SMIM10L3: variants seen among roughly 807,000 people sequenced by gnomAD.
The protein encoded by SMIM10L3 is salivary gland specific protein SAGSIN1.
the SMIM10L3 span, among the ~76,000 whole-genome samples, chr7:6,346,002 C>G: frequency 5.9e-5 from 9 of 152,238 alleles, no homozygotes; most frequent in African/African-American, 2.2e-4. Context: ...CTCCTGACCT[C>G]AAGTGATCCG....
chr7:6,330,984 T>G, the SMIM10L3 span: 1 of 1,614,196 alleles, frequency 6.2e-7, no homozygotes, highest in Non-Finnish European at 8.5e-7. Flanking sequence ...ATGCCTCACT[T>G]TGTGAATTTC....
At chr7:6,335,750 C>T in the SMIM10L3 span, among the ~76,000 whole-genome samples, 4 of 152,136 alleles carry the variant, frequency 2.6e-5, no homozygotes, top group Admixed American at 2.6e-4. Flanking sequence ...TATATTTGAA[C>T]CAGGCCAGGT....
chr7:6,342,924 C>G, the SMIM10L3 span, among the ~76,000 whole-genome samples: 4 of 151,898 alleles, frequency 2.6e-5, no homozygotes, highest in African/African-American at 9.7e-5. Flanking sequence ...GTAGCCCCAG[C>G]TACTCAGAAG....
the SMIM10L3 span, chr7:6,330,579 C>T: frequency 2.5e-6 from 4 of 1,614,158 alleles, no homozygotes; most frequent in Middle Eastern, 3.3e-4. Flanking sequence ...GCGTTGCAGA[C>T]AGGATGGAGT....
the SMIM10L3 span, among the ~76,000 whole-genome samples, chr7:6,333,765 C>G: frequency 6.3e-5 from 9 of 143,192 alleles, no homozygotes; most frequent in African/African-American, 2.3e-4. Flanking sequence ...ACTTGAAGAA[C>G]AAGTGTCTTT....
the SMIM10L3 span, chr7:6,330,667 T>G: frequency 1.2e-6 from 2 of 1,614,106 alleles, no homozygotes; most frequent in Non-Finnish European, 1.7e-6. Context: ...ACTTCCCATT[T>G]CCGGCACTTT....
the SMIM10L3 span, chr7:6,331,044 G>C: frequency 6.2e-7 from 1 of 1,613,920 alleles, no homozygotes; most frequent in Non-Finnish European, 8.5e-7. Flanking sequence ...CAGGCCAAGG[G>C]CCCTCCGGCA....
the SMIM10L3 span, chr7:6,338,809 T>A: frequency 6.6e-6 from 1 of 152,308 alleles, no homozygotes; most frequent in African/African-American, 2.4e-5. Flanking sequence ...ACTAAAAATA[T>A]CTTGGCCCCA....
chr7:6,348,847 A>T, the SMIM10L3 span: 1 of 391,126 alleles, frequency 2.6e-6, no homozygotes, highest in Non-Finnish European at 4.5e-6. Flanking sequence ...GTGCTCAGGG[A>T]GCGAAGGAGG....
the SMIM10L3 span, among the ~76,000 whole-genome samples, chr7:6,343,480 A>G: frequency 6.9e-6 from 1 of 144,858 alleles, no homozygotes; most frequent in African/African-American, 2.6e-5. Context: ...TTCTTCCCAC[A>G]GGCCATATAA....
the SMIM10L3 span, among the ~76,000 whole-genome samples, chr7:6,335,650 C>T: frequency 6.6e-6 from 1 of 152,118 alleles, no homozygotes; most frequent in African/African-American, 2.4e-5. Flanking sequence ...AAAATATACA[C>T]TTTATGAATA....
At chr7:6,333,097 C>G in the SMIM10L3 span, among the ~76,000 whole-genome samples, 1 of 150,496 alleles carries the variant, frequency 6.6e-6, no homozygotes, top group Non-Finnish European at 1.5e-5. Context: ...GCAGAGGTTG[C>G]AGTGAGCCGA....
At chr7:6,340,707 G>A in the SMIM10L3 span, among the ~76,000 whole-genome samples, 1 of 151,922 alleles carries the variant, frequency 6.6e-6, no homozygotes, top group Non-Finnish European at 1.5e-5. Context: ...AGACCATCCT[G>A]GCTAACACGG....
At chr7:6,339,080 A>G in the SMIM10L3 span, among the ~76,000 whole-genome samples, 3 of 152,224 alleles carry the variant, frequency 2.0e-5, no homozygotes, top group East Asian at 1.9e-4. Context: ...AGAAACAGCA[A>G]TGACCACAGC....
chr7:6,336,454 G>A, the SMIM10L3 span, among the ~76,000 whole-genome samples: 1 of 152,030 alleles, frequency 6.6e-6, no homozygotes, highest in African/African-American at 2.4e-5. Flanking sequence ...GCCATGGCAG[G>A]CAGATCTCTT....
At chr7:6,332,420 G>A in the SMIM10L3 span, among the ~76,000 whole-genome samples, 1 of 152,300 alleles carries the variant, frequency 6.6e-6, no homozygotes, top group East Asian at 1.9e-4. Context: ...ACTTTTGAGT[G>A]TTGTCTGAAT....
At chr7:6,348,794 C>G in the SMIM10L3 span, 1 of 396,748 alleles carries the variant, frequency 2.5e-6, no homozygotes, top group African/African-American at 2.1e-5. Flanking sequence ...CCCCGCCCGC[C>G]CTCTCCGCGC....
the SMIM10L3 span, chr7:6,348,730 A>G: frequency 2.4e-6 from 1 of 416,614 alleles, no homozygotes; most frequent in East Asian, 3.5e-5. Context: ...CGAGAGCCGG[A>G]CAGCCAGGCC....
chr7:6,331,790 G>C, the SMIM10L3 span, among the ~76,000 whole-genome samples: 2 of 148,336 alleles, frequency 1.3e-5, no homozygotes, highest in Non-Finnish European at 3.0e-5. Context: ...GCCTAGGCTG[G>C]AGTGCAATGG....
Sources: allele counts gnomAD v4.1 joint callset (sites outside exome capture counted in the v4.1 genomes callset), GRCh38; gene constraint gnomAD v4.1.1; transcripts MANE v1.5; gene names NCBI Gene and HGNC (gene_info 2026-07-23, HGNC 2026-07-21).